DIAPH3: variants seen among roughly 807,000 people sequenced by gnomAD.
DIAPH3 encodes diaphanous related formin 3.
DIAPH3 carries 117 observed loss-of-function variants against 144.3 expected under a neutral mutation model. That is an observed-to-expected ratio of 0.81 (90% CI 0.70 to 0.95). The LOEUF is 0.95. Ranked by LOEUF, DIAPH3 falls within the 40% of genes least tolerant of loss-of-function variation. DIAPH3 has a pLI of 0.00. For synonymous variants in DIAPH3, 519 were observed against 488.9 expected, an observed-to-expected ratio of 1.06 and a Z score of -0.81; for missense variants, 1,421 against 1,412.7, an observed-to-expected ratio of 1.01 and a Z score of -0.09.
At chr13:59,735,231 T>C (rs1448233537) in intron 27 of DIAPH3, among the ~76,000 whole-genome samples, 4 of 152,098 alleles carry the variant, frequency 2.6e-5, no homozygotes, top group African/African-American at 4.8e-5. Flanking sequence ...TTTACAGATA[T>C]GAAAATATAA....
At chr13:59,840,540 A>G (rs1318128484) in intron 22 of DIAPH3, among the ~76,000 whole-genome samples, 2 of 152,070 alleles carry the variant, frequency 1.3e-5, no homozygotes, top group Non-Finnish European at 2.9e-5. Flanking sequence ...TAAGAATATG[A>G]AATGGTGTTT....
rs960291092 is a variant in DIAPH3, at chr13:59,772,539, C to CTA, written c.3319+1648_3319+1649dup. ...TTTATAAAAATGCAATGCTCATCTGCTATATATATAATAAACAGAAACATT... is the reference window on the plus strand; with the variant it reads ...TTTATAAAAATGCAATGCTCATCTGCTATATATATATAATAAACAGAAACATT... On this transcript the variant is annotated intron_variant, in intron 27 of 27. Transcript: ENST00000400324. 2.0e-5 allele frequency among the ~76,000 whole-genome samples: 3 copies of CTA among 152,056 alleles called. No individual in the cohort carries two copies. In the East Asian group the frequency reaches 5.8e-4, roughly 29 times the overall value.
chr13:60,014,594 TATAAA>T (rs778890716), intron 7 of DIAPH3, among the ~76,000 whole-genome samples: 3 of 152,090 alleles, frequency 2.0e-5, no homozygotes, highest in Non-Finnish European at 2.9e-5. Context: ...GTAAAATAAA[TATAAA>T]ATAAATCAAT....
intron 4 of DIAPH3, among the ~76,000 whole-genome samples, chr13:60,091,480 T>G (rs921395003): frequency 6.6e-6 from 1 of 152,080 alleles, no homozygotes; most frequent in Non-Finnish European, 1.5e-5. Context: ...ATATCTTTTG[T>G]CAAGACAGGG....
chr13:60,127,984 T>C (rs1444504923), intron 2 of DIAPH3, among the ~76,000 whole-genome samples: 2 of 152,108 alleles, frequency 1.3e-5, no homozygotes, highest in Non-Finnish European at 2.9e-5. Flanking sequence ...AGGTTTGTTG[T>C]ACAGATTATT....
intron 24 of DIAPH3, among the ~76,000 whole-genome samples, chr13:59,822,836 T>A (rs1307283215): frequency 6.6e-6 from 1 of 152,152 alleles, no homozygotes; most frequent in South Asian, 2.1e-4. Flanking sequence ...CTTGTCTCTA[T>A]GTGAGGGTGT....
At chr13:59,702,719 C>T (rs911294776) in intron 27 of DIAPH3, among the ~76,000 whole-genome samples, 2 of 152,176 alleles carry the variant, frequency 1.3e-5, no homozygotes, top group Non-Finnish European at 2.9e-5. Context: ...TATTCTTTAT[C>T]TCTAGATAAA....
intron 1 of DIAPH3, among the ~76,000 whole-genome samples, chr13:60,148,770 GC>G (rs1168665121): frequency 6.6e-6 from 1 of 152,124 alleles, no homozygotes; most frequent in Admixed American, 6.5e-5. Flanking sequence ...ATCTGCCTGG[GC>G]AACAGAGCAA....
intron 4 of DIAPH3, among the ~76,000 whole-genome samples, chr13:60,061,863 G>A (rs554398568): frequency 1.3e-5 from 2 of 152,090 alleles, no homozygotes; most frequent in African/African-American, 4.8e-5. Flanking sequence ...TTAACTCCGG[G>A]GGGTGAGGGG....
chr13:59,799,272 G>A (rs1407813996), intron 25 of DIAPH3, among the ~76,000 whole-genome samples: 1 of 151,908 alleles, frequency 6.6e-6, no homozygotes, highest in Non-Finnish European at 1.5e-5. Context: ...AAGGGTGGCC[G>A]AAGCTGGCTT....
intron 4 of DIAPH3, among the ~76,000 whole-genome samples, chr13:60,057,906 A>G (rs1189561787): frequency 6.6e-6 from 1 of 152,036 alleles, no homozygotes; most frequent in African/African-American, 2.4e-5. Flanking sequence ...AAAATAGACT[A>G]AAGAATTAAT....
At chr13:59,808,940 G>A (rs1049480676) in intron 25 of DIAPH3, among the ~76,000 whole-genome samples, 8 of 152,060 alleles carry the variant, frequency 5.3e-5, no homozygotes, top group African/African-American at 1.9e-4. Context: ...AGGTGTTTTC[G>A]ATAATGTAAA....
intron 27 of DIAPH3, among the ~76,000 whole-genome samples, chr13:59,688,099 C>T (rs1269907103): frequency 6.6e-6 from 1 of 151,936 alleles, no homozygotes; most frequent in East Asian, 1.9e-4. Flanking sequence ...TTATTCATAA[C>T]ATGAGAGATT....
intron 11 of DIAPH3, among the ~76,000 whole-genome samples, chr13:59,991,537 A>G (rs2051810987): frequency 6.6e-6 from 1 of 151,966 alleles, no homozygotes; most frequent in Admixed American, 6.6e-5. Context: ...GAACAAAGGT[A>G]GTAGGGAAGC....
chr13:59,794,515 G>GA (rs66691231), intron 25 of DIAPH3, among the ~76,000 whole-genome samples: 175 of 144,796 alleles, frequency 1.2e-3, no homozygotes, highest in Middle Eastern at 3.6e-3. Flanking sequence ...CTTCTTTAGT[G>GA]AAAAAAAAAA....
Position 59,774,170 on chromosome 13 carries a change from T to A in DIAPH3, c.3319+19A>T. On this transcript the variant is annotated intron_variant, in intron 27 of 27. Coordinates refer to ENST00000400324, the MANE Select transcript of DIAPH3 (RefSeq NM_001042517.2). ...AAGTAGATAAGAAGAATGTGCAATTTATAAATACGGTTTATTACCATGGTT... is the reference window on the plus strand; with the variant it reads ...AAGTAGATAAGAAGAATGTGCAATTAATAAATACGGTTTATTACCATGGTT... The A allele has an allele frequency of 1.2e-6, 2 of 1,610,928 alleles. No individual in the cohort carries two copies. Among genetic ancestry groups the A allele is most frequent in the Admixed American group, 3.3e-5 (2 of 59,822 alleles).
intron 12 of DIAPH3, among the ~76,000 whole-genome samples, chr13:59,986,938 C>T (rs938956610): frequency 6.0e-5 from 9 of 150,304 alleles, no homozygotes; most frequent in Non-Finnish European, 1.0e-4. Context: ...GGATCTAGAA[C>T]TAGAAATACC....
At chr13:60,040,287 T>C (rs895202719) in intron 5 of DIAPH3, among the ~76,000 whole-genome samples, 5 of 141,518 alleles carry the variant, frequency 3.5e-5, no homozygotes, top group Non-Finnish European at 7.7e-5. Context: ...TAAAGTGGCA[T>C]GATTTCAGAA....
chr13:59,683,019 G>A (rs1417605607), intron 27 of DIAPH3, among the ~76,000 whole-genome samples: 1 of 152,108 alleles, frequency 6.6e-6, no homozygotes. Flanking sequence ...TAATTCTTTG[G>A]TGTACTGCAA....
Sources: allele counts gnomAD v4.1 joint callset (sites outside exome capture counted in the v4.1 genomes callset), GRCh38; gene constraint gnomAD v4.1.1; transcripts MANE v1.5; gene names NCBI Gene and HGNC (gene_info 2026-07-23, HGNC 2026-07-21).